Variants in ADGRB1 observed in about 807,000 individuals in gnomAD.
The protein encoded by ADGRB1 is brain-specific angiogenesis inhibitor 1.
A neutral mutation model predicts 175.7 loss-of-function variants in ADGRB1; 36 were observed. That is an observed-to-expected ratio of 0.20 (90% CI 0.16 to 0.27). The LOEUF is 0.27. ADGRB1 is among the 10% of genes least tolerant of loss of function. The pLI is 1.00. For synonymous variants in ADGRB1, 1,054 were observed against 979.4 expected, an observed-to-expected ratio of 1.08 and a Z score of -1.42; for missense variants, 1,731 against 2,255.3, an observed-to-expected ratio of 0.77 and a Z score of 4.71.
At chr8:142,527,686 T>C (rs1844293021) in intron 24 of ADGRB1, among the ~76,000 whole-genome samples, 1 of 152,164 alleles carries the variant, frequency 6.6e-6, no homozygotes, top group African/African-American at 2.4e-5. Context: ...AAGACAGTGG[T>C]CACACTCAGA....
chr8:142,456,164 T>C (rs1025710292), intron 1 of ADGRB1, among the ~76,000 whole-genome samples: 6 of 152,082 alleles, frequency 3.9e-5, no homozygotes, highest in Non-Finnish European at 7.4e-5. Context: ...CCAGAGAGCC[T>C]GTCCCTGTGC....
intron 25 of ADGRB1, among the ~76,000 whole-genome samples, chr8:142,536,538 G>A (rs1487793076): frequency 6.6e-6 from 1 of 152,120 alleles, no homozygotes; most frequent in Non-Finnish European, 1.5e-5. Context: ...GGAGGGGCCA[G>A]GCTCAGGGAC....
intron 11 of ADGRB1, 93 bp from the exon 12 acceptor site, chr8:142,483,884 C>T: frequency 7.3e-7 from 1 of 1,376,402 alleles, no homozygotes; most frequent in Non-Finnish European, 1.0e-6. Flanking sequence ...CAGCCCTGAC[C>T]CTGGTCACAC....
In ADGRB1 at chr8:142,464,542, T is replaced by C. The variant is rs750002418; in HGVS notation, c.344T>C (p.Leu115Pro). 1 of 1,563,470 alleles carries C rather than the reference T, an allele frequency of 6.4e-7. No individual in the cohort carries two copies. The highest frequency in any genetic ancestry group is 1.2e-5 in the South Asian group (1 of 84,988). Residue 115 changes from leucine to proline, a missense_variant, in exon 2 of 31, where the codon CTG (leucine) becomes CCG (proline). Around this residue, in one of 8 missense-constraint regions of ADGRB1, gnomAD observed 383 missense variants for 383.1 expected, o/e 1.00. Coordinates refer to ENST00000517894, the MANE Select transcript of ADGRB1 (RefSeq NM_001702.3). Reference protein sequence around the residue: ...DSFLESTRTYLGVESFDEVLR... With the variant: ...DSFLESTRTYPGVESFDEVLR... ...TTCCTCGAGTCCACGCGCACCTACC[T>C]GGGCGTGGAGAGCTTCGACGAGGTG...
chr8:142,526,935 C>A (rs557684505), intron 24 of ADGRB1, among the ~76,000 whole-genome samples: 1 of 152,278 alleles, frequency 6.6e-6, no homozygotes, highest in East Asian at 1.9e-4. Context: ...CAGCAGGGTG[C>A]CCCCAAGGCT....
chr8:142,457,601 G>C (rs545306852), intron 1 of ADGRB1, among the ~76,000 whole-genome samples: 4 of 152,132 alleles, frequency 2.6e-5, no homozygotes, highest in Non-Finnish European at 4.4e-5. Context: ...TTCCGGGCCT[G>C]CCTCTGCTGT....
rs773737220 is a variant in ADGRB1 at position 142,533,370 on chromosome 8, C to T, written c.3474C>T (p.Thr1158=). 3.1e-6 allele frequency: 5 copies of T among 1,606,802 alleles called. No individual in the cohort carries two copies. Among genetic ancestry groups the T allele is most frequent in the African/African-American group, 2.7e-5 (2 of 74,992 alleles). Residue 1158 remains threonine, a synonymous_variant, in exon 25 of 31, where the codon ACC becomes ACT. Transcript: ENST00000517894. Reference sequence around the variant, plus strand: ...GGATGTCGGCTGTGCTCGCCGTCACCGACCGCCGCTCCGCCCTCTTCCAGA... The same window carrying T: ...GGATGTCGGCTGTGCTCGCCGTCACTGACCGCCGCTCCGCCCTCTTCCAGA... ...LTWMSAVLAV[T]DRRSALFQIL... is the part of the protein sequence containing the mutation.
At position 142,537,293 on chromosome 8, in the gene ADGRB1, G is replaced by A. The variant is rs1234388593; in HGVS notation, c.3666+211G>A. Among the ~76,000 whole-genome samples the A allele has an allele frequency of 6.6e-6, 1 of 152,072 alleles. No homozygotes were observed. Among genetic ancestry groups the A allele is most frequent in the Non-Finnish European group, 1.5e-5 (1 of 67,992 alleles). On this transcript the variant is annotated intron_variant, in intron 26 of 30. Coordinates refer to ENST00000517894, the MANE Select transcript of ADGRB1 (RefSeq NM_001702.3). This position sits in a 1 kb window ranked among gnomAD's most constrained non-coding sequence, Gnocchi z 4.6. ...CAGCTGGGAAGGCCTGAGCTGATGA[G>A]TTTGGAGGTCTCAGCGGAGGCTGGC...
intron 4 of ADGRB1, 71 bp downstream of exon 4, chr8:142,476,766 A>G: frequency 7.3e-7 from 1 of 1,365,138 alleles, no homozygotes; most frequent in Non-Finnish European, 9.9e-7. Context: ...AATTGCAGCT[A>G]GTTATGGGTA....
At chr8:142,539,629 G>A (rs981472886) in intron 27 of ADGRB1, 1 of 611,924 alleles carries the variant, frequency 1.6e-6, no homozygotes, top group Non-Finnish European at 2.9e-6. Flanking sequence ...CCGAAGGAGG[G>A]TCCATGGGGC....
At chr8:142,520,490 GTGATGGTGATGATGGTGA>G (rs1843765020) in intron 19 of ADGRB1, among the ~76,000 whole-genome samples, 2 of 6,338 alleles carry the variant, frequency 3.2e-4, no homozygotes, top group Non-Finnish European at 2.8e-3. Flanking sequence ...TGTGATAATG[GTGATGGTGATGATGGTGA>G]TGTAGTGGTG....
At chr8:142,541,436 C>T (rs1490947771) in intron 27 of ADGRB1, among the ~76,000 whole-genome samples, 5 of 152,168 alleles carry the variant, frequency 3.3e-5, no homozygotes. Context: ...GGCAGCGATG[C>T]AGGAAGGGCC....
At position 142,474,895 on chromosome 8, in the gene ADGRB1, G is replaced by A. The variant is rs575336480; in HGVS notation, c.785-579G>A. On this transcript the variant is annotated intron_variant, in intron 2 of 30. Transcript: ENST00000517894. The surrounding 1 kb of genome is among the most constrained non-coding windows in gnomAD (Gnocchi z 5.8). ...CTCCGTCAGGCTGTGCCCTGGGTTCGAGGCCCTGGTTGGACACCAGGTGTG... is the reference window on the plus strand; with the variant it reads ...CTCCGTCAGGCTGTGCCCTGGGTTCAAGGCCCTGGTTGGACACCAGGTGTG... 2.1e-4 allele frequency among the ~76,000 whole-genome samples: 32 copies of A among 152,260 alleles called. 2 individuals carry two copies. In the South Asian group the frequency reaches 6.4e-3, roughly 31 times the overall value.
At chr8:142,478,804 T>G (rs1264139112) in intron 7 of ADGRB1, among the ~76,000 whole-genome samples, 2 of 123,610 alleles carry the variant, frequency 1.6e-5, no homozygotes, top group Non-Finnish European at 3.4e-5. Flanking sequence ...TGTGGAGTAG[T>G]GGGGTGCACA....
At position 142,542,310 on chromosome 8, in the gene ADGRB1, C is replaced by T; in HGVS notation, c.4076C>T (p.Pro1359Leu). The change falls in exon 28 of 31, where the codon CCC becomes CTC. Residue 1359 changes from proline (P) to leucine (L), a missense_variant. This residue lies in a region of ADGRB1 where 394 missense variants were observed against 410.2 expected (regional missense o/e 0.96). Coordinates refer to ENST00000517894, the MANE Select transcript of ADGRB1 (RefSeq NM_001702.3). The surrounding 1 kb of genome is among the most constrained non-coding windows in gnomAD (Gnocchi z 6.3). ...PTATATLRPK[P>L]KEEPKYSIHI... ...GCCACGGCCACGCTGCGGCCCAAGC[C>T]CAAGGAGGAGCCCAAGTACAGCATC... 1 of 1,613,110 alleles carries T rather than the reference C, an allele frequency of 6.2e-7. No homozygotes were observed. Among genetic ancestry groups the T allele is most frequent in the Non-Finnish European group, 8.5e-7 (1 of 1,179,778 alleles).
chr8:142,539,447 C>G, intron 27 of ADGRB1, 34 bp downstream of exon 27: 1 of 1,596,812 alleles, frequency 6.3e-7, no homozygotes. Flanking sequence ...ACAGTGCCAG[C>G]CCGGCCCCCT....
Position 142,543,448 on chromosome 8 carries a change from G to A in ADGRB1, c.4449+10G>A, listed in dbSNP as rs369758034. 1.9e-6 allele frequency: 3 copies of A among 1,613,522 alleles called. No individual in the cohort carries two copies. The African/African-American group carries it at 4.0e-5, about 22-fold the overall frequency. On this transcript the variant is annotated intron_variant, in intron 29 of 30. Transcript: ENST00000517894. This position sits in a 1 kb window ranked among gnomAD's most constrained non-coding sequence, Gnocchi z 4.4. ...AGAACTGGACTTTGAGGTGAGTTCT[G>A]GTGTCCCCCCCCACCAGACACTTAG...
At chr8:142,516,937 CCTGT>C (rs1843483329) in intron 18 of ADGRB1, among the ~76,000 whole-genome samples, 1 of 152,206 alleles carries the variant, frequency 6.6e-6, no homozygotes, top group Non-Finnish European at 1.5e-5. Flanking sequence ...ACCTGACTTC[CCTGT>C]CTGTCTTCAG....
chr8:142,516,681 T>A (rs1226783600), intron 18 of ADGRB1, among the ~76,000 whole-genome samples: 1 of 133,086 alleles, frequency 7.5e-6, no homozygotes, highest in Non-Finnish European at 1.6e-5. Flanking sequence ...GGTGCATGCC[T>A]GTGTGCGGGC....
Sources: gnomAD v4.1 joint callset for allele counts (sites outside exome capture counted in the v4.1 genomes callset) on GRCh38, gnomAD v4.1.1 for gene constraint, gnomAD v4.1.1 regional missense constraint, Gnocchi (gnomAD v3.1) non-coding constraint, MANE v1.5 for transcripts, NCBI Gene and HGNC (gene_info 2026-07-23, HGNC 2026-07-21) for gene names.